The following COL24A1 variants were observed in gnomAD, a reference collection of about 807,000 sequenced individuals.
COL24A1 encodes the protein collagen type XXIV alpha 1 chain, also known as collagen alpha-1(XXIV) chain.
Under a neutral mutation model 253.9 loss-of-function variants are expected in COL24A1, and 224 were observed. The observed-to-expected ratio is 0.88, with a 90% CI of 0.79 to 0.99. The LOEUF is 0.99. Among genes scored for constraint, COL24A1 ranks in the 50% least tolerant of loss-of-function variants. COL24A1 has a pLI of 0.00. For synonymous variants in COL24A1, 685 were observed against 673.7 expected, an observed-to-expected ratio of 1.02 and a Z score of -0.26; for missense variants, 2,131 against 2,068.5, an observed-to-expected ratio of 1.03 and a Z score of -0.59.
chr1:85,830,520 C>T (rs1398664715), intron 43 of COL24A1, among the ~76,000 whole-genome samples: 1 of 152,180 alleles, frequency 6.6e-6, no homozygotes, highest in Non-Finnish European at 1.5e-5. Flanking sequence ...CCTCCCCCAG[C>T]CTGGCTGCCG....
chr1:85,855,569 T>C (rs964650443), intron 37 of COL24A1, among the ~76,000 whole-genome samples: 9 of 152,220 alleles, frequency 5.9e-5, no homozygotes. Flanking sequence ...GCCTACTTGA[T>C]CATGATGGAT....
intron 12 of COL24A1, among the ~76,000 whole-genome samples, chr1:86,041,443 G>T (rs927933154): frequency 1.3e-5 from 2 of 152,044 alleles, no homozygotes; most frequent in Admixed American, 1.3e-4. Context: ...ATATAAATTT[G>T]CATGGCTAAC....
intron 24 of COL24A1, among the ~76,000 whole-genome samples, chr1:85,916,552 A>C (rs1685916252): frequency 6.6e-6 from 1 of 152,128 alleles, no homozygotes; most frequent in Admixed American, 6.6e-5. Flanking sequence ...TGGGTGTGGC[A>C]ACATGTTCCT....
At chr1:85,858,621 C>CCT (rs1553201493) in intron 37 of COL24A1, among the ~76,000 whole-genome samples, 28 of 113,270 alleles carry the variant, frequency 2.5e-4, no homozygotes, top group African/African-American at 8.7e-4. Context: ...TATTTTCTCC[C>CCT]TCCTTCCTTC....
intron 7 of COL24A1, among the ~76,000 whole-genome samples, chr1:86,082,978 T>C (rs1409735225): frequency 6.6e-6 from 1 of 151,870 alleles, no homozygotes; most frequent in African/African-American, 2.4e-5. Flanking sequence ...AATTTTTAGA[T>C]TTAGGATGCT....
At chr1:86,088,296 T>C (rs1204770223) in intron 7 of COL24A1, among the ~76,000 whole-genome samples, 2 of 152,086 alleles carry the variant, frequency 1.3e-5, no homozygotes. Flanking sequence ...AGTCTCCCAA[T>C]AGGAAAGGAA....
chr1:86,151,619 T>A (rs1652787345), intron 1 of COL24A1, among the ~76,000 whole-genome samples: 1 of 152,136 alleles, frequency 6.6e-6, no homozygotes, highest in Non-Finnish European at 1.5e-5. Context: ...CCAAAGACCA[T>A]ACTCAGAACA....
At chr1:86,153,103 T>C (rs1291835934) in intron 1 of COL24A1, among the ~76,000 whole-genome samples, 1 of 152,176 alleles carries the variant, frequency 6.6e-6, no homozygotes, top group East Asian at 1.9e-4. Context: ...TTCTGAGCTT[T>C]TTATTGTTCC....
chr1:85,944,675 G>A (rs2103221980), intron 24 of COL24A1, among the ~76,000 whole-genome samples: 1 of 151,908 alleles, frequency 6.6e-6, no homozygotes, highest in South Asian at 2.1e-4. Context: ...GTATACATGT[G>A]CCATGATGGT....
rs1309001192 is a variant in COL24A1, at chr1:85,853,905, T to C, written c.3301-4499A>G. Among the ~76,000 whole-genome samples the C allele has an allele frequency of 2.6e-5, 4 of 152,308 alleles. No individual in the cohort carries two copies. The East Asian group carries it at 7.7e-4, about 29-fold the overall frequency. On this transcript the variant is annotated intron_variant, in intron 37 of 59. Coordinates refer to ENST00000370571, the MANE Select transcript of COL24A1 (RefSeq NM_152890.7). ...CATAATTTGCAAAAACTATCTCCTG[T>C]TCTTAGGTTGTCTGTTTACTCTTTT...
chr1:85,828,477 T>C (rs1674702060), intron 43 of COL24A1, among the ~76,000 whole-genome samples: 1 of 151,364 alleles, frequency 6.6e-6, no homozygotes, highest in Non-Finnish European at 1.5e-5. Context: ...CTGGGTATCC[T>C]TGTTGACTTT....
At chr1:86,128,540 A>G (rs1325223248) in intron 2 of COL24A1, among the ~76,000 whole-genome samples, 2 of 152,010 alleles carry the variant, frequency 1.3e-5, no homozygotes, top group Non-Finnish European at 2.9e-5. Flanking sequence ...CTGCCCCAAG[A>G]ACATCTCCCC....
chr1:85,762,706 C>A (rs572091993), intron 53 of COL24A1, among the ~76,000 whole-genome samples: 4 of 152,156 alleles, frequency 2.6e-5, no homozygotes, highest in Non-Finnish European at 5.9e-5. Context: ...GTTATGTCCG[C>A]TTCTCCATTT....
chr1:85,981,412 A>G (rs1298538477), intron 20 of COL24A1, among the ~76,000 whole-genome samples: 1 of 152,190 alleles, frequency 6.6e-6, no homozygotes, highest in Non-Finnish European at 1.5e-5. Flanking sequence ...ACCCTATTCA[A>G]CAAATGATGC....
intron 47 of COL24A1, among the ~76,000 whole-genome samples, chr1:85,806,502 C>T (rs969199059): frequency 6.6e-6 from 1 of 152,090 alleles, no homozygotes; most frequent in African/African-American, 2.4e-5. Flanking sequence ...GCAAAAGCAG[C>T]CATATGTAAA....
intron 4 of COL24A1, among the ~76,000 whole-genome samples, chr1:86,113,801 A>T (rs1051420838): frequency 7.9e-6 from 1 of 126,606 alleles, no homozygotes; most frequent in African/African-American, 2.9e-5. Context: ...CCATCACTGC[A>T]CTCCAGCCTG....
At chr1:85,830,619 TC>T (rs965875808) in intron 43 of COL24A1, among the ~76,000 whole-genome samples, 27 of 152,100 alleles carry the variant, frequency 1.8e-4, no homozygotes, top group Non-Finnish European at 3.4e-4. Flanking sequence ...GGATATAATC[TC>T]CTGGTGTGCT....
intron 7 of COL24A1, among the ~76,000 whole-genome samples, chr1:86,071,516 C>T (rs1468238751): frequency 6.6e-6 from 1 of 152,000 alleles, no homozygotes; most frequent in African/African-American, 2.4e-5. Flanking sequence ...CACACTTCAC[C>T]TATATACACA....
intron 47 of COL24A1, among the ~76,000 whole-genome samples, chr1:85,796,848 A>G (rs1183135465): frequency 6.6e-6 from 1 of 152,144 alleles, no homozygotes; most frequent in Non-Finnish European, 1.5e-5. Flanking sequence ...GATGTCAAAT[A>G]CCTATCGCAT....
Sources: allele counts gnomAD v4.1 joint callset (sites outside exome capture counted in the v4.1 genomes callset), GRCh38; gene constraint gnomAD v4.1.1; transcripts MANE v1.5; gene names NCBI Gene and HGNC (gene_info 2026-07-23, HGNC 2026-07-21).